The following INSC variants were observed in gnomAD, a reference collection of about 807,000 sequenced individuals.
INSC encodes the protein protein inscuteable homolog.
In INSC, 67 loss-of-function variants were observed where a neutral mutation model predicts 58.6. That is an observed-to-expected ratio of 1.14 (90% CI 0.94 to 1.40). The LOEUF (loss-of-function observed/expected upper bound fraction) is 1.40, where lower values mean the gene tolerates loss of function less well. Ranked by LOEUF, INSC falls within the 40% of genes most tolerant of loss-of-function variation. The probability of loss-of-function intolerance (pLI) is 0.00; values close to 1 mark genes in which losing one functional copy is unlikely to be tolerated. For missense variants in INSC, 714 were observed against 692.0 expected (o/e 1.03, Z -0.36); for synonymous variants, 262 against 276.1 (o/e 0.95, Z 0.51).
upstream of INSC, among the ~76,000 whole-genome samples, chr11:15,113,149 C>CTTTCTG (rs757233948): frequency 7.6e-6 from 1 of 131,250 alleles, no homozygotes; most frequent in Non-Finnish European, 1.7e-5. Context: ...TTCTTTCTGT[C>CTTTCTG]TCTCTCTCTC....
chr11:15,196,535 G>T (rs1054391355), intron 6 of INSC, among the ~76,000 whole-genome samples: 2 of 151,946 alleles, frequency 1.3e-5, no homozygotes, highest in African/African-American at 2.4e-5. Flanking sequence ...TCTGCTCCTG[G>T]TCCACTGCAC....
chr11:15,140,583 CTT>C (rs893928175), intron 1 of INSC, among the ~76,000 whole-genome samples: 7 of 140,526 alleles, frequency 5.0e-5, no homozygotes, highest in African/African-American at 5.2e-5. Context: ...TTTCTTTCTT[CTT>C]TTTTTTTTTT....
intron 5 of INSC, among the ~76,000 whole-genome samples, chr11:15,185,960 A>G (rs1434823788): frequency 6.6e-6 from 1 of 152,080 alleles, no homozygotes; most frequent in Non-Finnish European, 1.5e-5. Flanking sequence ...CTTTTGACAT[A>G]AGATACTCAG....
intron 1 of INSC, among the ~76,000 whole-genome samples, chr11:15,116,830 T>C (rs926912903): frequency 4.8e-5 from 2 of 41,660 alleles, no homozygotes; most frequent in African/African-American, 2.9e-4. Flanking sequence ...TCTTTCTTTC[T>C]TTCTTTCTTT....
chr11:15,251,625 A>G (rs368479708), downstream of INSC, among the ~76,000 whole-genome samples: 3 of 152,320 alleles, frequency 2.0e-5, no homozygotes, highest in East Asian at 3.9e-4. Context: ...GAGGCATAGA[A>G]ATGGTAAAAA....
chr11:15,114,976 C>A lies in INSC; in HGVS notation c.-73C>A, dbSNP rs1469897509. On this transcript the variant is annotated 5_prime_UTR_variant, in exon 1 of 13. Transcript: ENST00000379556. Reference sequence around the variant, plus strand: ...CTGCGCCCCGCCACCACTGGCCGCTCGCACTACCAGCCTGTCTCGCACGCT... The same window carrying A: ...CTGCGCCCCGCCACCACTGGCCGCTAGCACTACCAGCCTGTCTCGCACGCT... 1.0e-6 allele frequency: 1 copy of A among 985,482 alleles called. No homozygotes were observed. Among genetic ancestry groups the A allele is most frequent in the Non-Finnish European group, 1.2e-6 (1 of 829,952 alleles). The allele number at this position is 985,482 out of a possible 1,614,324, so 61.0% of individuals were successfully genotyped here. A position where few individuals can be genotyped will look rare whatever the true frequency, so the allele number is the denominator to read the frequency against.
At chr11:15,207,522 GCTT>G (rs1262478584) in intron 7 of INSC, among the ~76,000 whole-genome samples, 1 of 152,070 alleles carries the variant, frequency 6.6e-6, no homozygotes, top group South Asian at 2.1e-4. Context: ...TCCTGGGGCA[GCTT>G]CTTGGAATCA....
intron 11 of INSC, among the ~76,000 whole-genome samples, chr11:15,239,750 C>A (rs1168494788): frequency 1.3e-5 from 2 of 152,168 alleles, no homozygotes; most frequent in Non-Finnish European, 2.9e-5. Flanking sequence ...AGAAGTAGCT[C>A]ATGTTTATCT....
intron 2 of INSC, among the ~76,000 whole-genome samples, chr11:15,156,586 G>A (rs1848822077): frequency 6.6e-6 from 1 of 152,140 alleles, no homozygotes; most frequent in Non-Finnish European, 1.5e-5. Flanking sequence ...GCACACTGCC[G>A]AGAATGTAAT....
At chr11:15,115,171 G>A (rs1847662311) in intron 1 of INSC, among the ~76,000 whole-genome samples, 168 bp downstream of exon 1, 1 of 152,246 alleles carries the variant, frequency 6.6e-6, no homozygotes, top group Non-Finnish European at 1.5e-5. Context: ...GTCTGGATGG[G>A]ATGTCCACAT....
At chr11:15,242,139 A>G (rs1340562395) in intron 12 of INSC, among the ~76,000 whole-genome samples, 1 of 152,228 alleles carries the variant, frequency 6.6e-6, no homozygotes, top group African/African-American at 2.4e-5. Flanking sequence ...GGAAATTAAC[A>G]TGTAATGATT....
chr11:15,202,629 G>T (rs1186437021), intron 7 of INSC, among the ~76,000 whole-genome samples: 2 of 152,156 alleles, frequency 1.3e-5, no homozygotes, highest in East Asian at 3.9e-4. Context: ...ACCAAATGGG[G>T]TTTGTTTCTC....
At chr11:15,269,159 A>G in the INSC span, among the ~76,000 whole-genome samples, 1 of 152,006 alleles carries the variant, frequency 6.6e-6, no homozygotes, top group South Asian at 2.1e-4. Context: ...TTAAATAGTT[A>G]TTATTTTATT....
At chr11:15,250,304 T>C (rs755729428), downstream of INSC, among the ~76,000 whole-genome samples, 1 of 152,226 alleles carries the variant, frequency 6.6e-6, no homozygotes, top group Admixed American at 6.5e-5. Context: ...ATCTGTAAAG[T>C]AGGGATAATA....
At chr11:15,223,610 A>T (rs1266419100) in intron 8 of INSC, among the ~76,000 whole-genome samples, 1 of 152,236 alleles carries the variant, frequency 6.6e-6, no homozygotes, top group Non-Finnish European at 1.5e-5. Flanking sequence ...GTCGGCAGCA[A>T]TAGCAACTGA....
chr11:15,203,812 C>A (rs1385160353), intron 7 of INSC, among the ~76,000 whole-genome samples: 2 of 124,222 alleles, frequency 1.6e-5, no homozygotes, highest in African/African-American at 2.8e-5. Context: ...GGCCCATGAG[C>A]TAAGAATGAT....
chr11:15,181,149 T>C (rs577732559), intron 5 of INSC, among the ~76,000 whole-genome samples: 18 of 152,340 alleles, frequency 1.2e-4, no homozygotes, highest in African/African-American at 4.1e-4. Context: ...CAAGCACTTA[T>C]AGTATTTCTT....
chr11:15,206,509 T>C (rs762433619), intron 7 of INSC, among the ~76,000 whole-genome samples: 1 of 151,964 alleles, frequency 6.6e-6, no homozygotes, highest in Non-Finnish European at 1.5e-5. Context: ...TGGACCTCAC[T>C]TGGGAGAAGA....
chr11:15,212,882 G>T (rs1338890528), intron 7 of INSC, among the ~76,000 whole-genome samples: 3 of 152,116 alleles, frequency 2.0e-5, no homozygotes, highest in African/African-American at 2.4e-5. Context: ...CAGTGATAAT[G>T]GGTATCTTTA....
Sources: gnomAD v4.1 joint callset for allele counts (sites outside exome capture counted in the v4.1 genomes callset) on GRCh38, gnomAD v4.1.1 for gene constraint, MANE v1.5 for transcripts, NCBI Gene and HGNC (gene_info 2026-07-23, HGNC 2026-07-21) for gene names.